The following TAFA1 variants were observed in gnomAD, a reference collection of about 807,000 sequenced individuals.
The protein encoded by TAFA1 is TAFA chemokine like family member 1.
A neutral mutation model predicts 18.5 loss-of-function variants in TAFA1; 4 were observed. The ratio of observed to expected loss-of-function variants is 0.22; its 90% CI spans 0.11 to 0.49. The LOEUF is 0.49. TAFA1 is among the 20% of genes least tolerant of loss of function. TAFA1 has a pLI of 0.98. For synonymous variants in TAFA1, 56 were observed against 55.2 expected (o/e 1.01, Z -0.06); for missense variants, 147 against 169.0 (o/e 0.87, Z 0.72).
intron 2 of TAFA1, among the ~76,000 whole-genome samples, chr3:68,088,401 T>C (rs2064995999): frequency 1.3e-5 from 2 of 152,194 alleles, no homozygotes; most frequent in South Asian, 4.1e-4. Context: ...CAGTGTGACA[T>C]CACGTATAAA....
chr3:68,043,346 T>C (rs1232558085), intron 2 of TAFA1, among the ~76,000 whole-genome samples: 2 of 152,218 alleles, frequency 1.3e-5, no homozygotes, highest in Non-Finnish European at 2.9e-5. Context: ...AAAATTGTCT[T>C]TGCAATAATT....
intron 2 of TAFA1, among the ~76,000 whole-genome samples, chr3:68,125,291 G>C (rs1277272164): frequency 1.3e-5 from 2 of 152,182 alleles, no homozygotes; most frequent in Non-Finnish European, 2.9e-5. Context: ...AGGATGAAAA[G>C]GGCTGATATT....
At chr3:68,463,796 C>T (rs953680127) in intron 3 of TAFA1, among the ~76,000 whole-genome samples, 13 of 151,934 alleles carry the variant, frequency 8.6e-5, no homozygotes, top group East Asian at 1.9e-4. Flanking sequence ...TTTTATTCTC[C>T]GTGTTCCATA....
intron 2 of TAFA1, among the ~76,000 whole-genome samples, chr3:68,219,494 T>C (rs1379477879): frequency 6.6e-6 from 1 of 152,084 alleles, no homozygotes; most frequent in Non-Finnish European, 1.5e-5. Flanking sequence ...TCATTCTAGT[T>C]TGGCCTCTAC....
At chr3:68,440,491 A>C (rs974013264) in intron 3 of TAFA1, among the ~76,000 whole-genome samples, 1 of 152,180 alleles carries the variant, frequency 6.6e-6, no homozygotes, top group Non-Finnish European at 1.5e-5. Flanking sequence ...CAAAAGGAGG[A>C]GGAAATATGA....
At chr3:68,116,256 AAAACAAACAAACAAAC>A (rs138208356) in intron 2 of TAFA1, among the ~76,000 whole-genome samples, 145 of 151,238 alleles carry the variant, frequency 9.6e-4, no homozygotes, top group Admixed American at 8.7e-3. Flanking sequence ...TGCCGTCGCA[AAAACAAACAAACAAAC>A]AAACAAACAA....
chr3:68,136,603 C>A (rs1575638097), intron 2 of TAFA1, among the ~76,000 whole-genome samples: 1 of 152,140 alleles, frequency 6.6e-6, no homozygotes, highest in Non-Finnish European at 1.5e-5. Context: ...GCATTCGTTG[C>A]TTCTCTCTTT....
chr3:68,039,408 A>G (rs2106673482), intron 2 of TAFA1, among the ~76,000 whole-genome samples: 1 of 152,292 alleles, frequency 6.6e-6, no homozygotes, highest in Middle Eastern at 3.4e-3. Flanking sequence ...CTGTGCAAGG[A>G]GAGTCATAAT....
chr3:68,087,768 T>C (rs1477079806), intron 2 of TAFA1, among the ~76,000 whole-genome samples: 1 of 152,184 alleles, frequency 6.6e-6, no homozygotes, highest in East Asian at 1.9e-4. Context: ...TGCCAATAAA[T>C]ATACCTCTAC....
intron 2 of TAFA1, among the ~76,000 whole-genome samples, chr3:68,165,896 T>C (rs1345328672): frequency 6.6e-6 from 1 of 152,228 alleles, no homozygotes; most frequent in Non-Finnish European, 1.5e-5. Context: ...TATTTAGGAA[T>C]GTGAATCAAA....
chr3:68,027,252 G>T (rs1160897773), intron 2 of TAFA1, among the ~76,000 whole-genome samples: 1 of 152,122 alleles, frequency 6.6e-6, no homozygotes, highest in African/African-American at 2.4e-5. Context: ...TTTTGAGGTA[G>T]ACTATTTCAA....
At chr3:68,204,229 G>A (rs1275208763) in intron 2 of TAFA1, among the ~76,000 whole-genome samples, 1 of 151,742 alleles carries the variant, frequency 6.6e-6, no homozygotes, top group African/African-American at 2.4e-5. Context: ...TTGTTTGGGT[G>A]AAGTGGCAAC....
Position 68,117,212 on chromosome 3 carries a change from T to A in TAFA1, c.118+110468T>A, listed in dbSNP as rs184401390. Among the ~76,000 whole-genome samples the A allele has an allele frequency of 2.0e-5, 3 of 152,326 alleles. No individual in the cohort carries two copies. The East Asian group carries it at 5.8e-4, about 29-fold the overall frequency. ...ATTATTAAGTACCCTTCATTTTCCC[T>A]TGGAGCCAGTCTGGGGTTTTGGTTA... is the stretch of plus-strand genomic sequence containing the variant. On this transcript the variant is annotated intron_variant, in intron 2 of 4. Coordinates refer to ENST00000478136, the MANE Select transcript of TAFA1 (RefSeq NM_213609.4).
chr3:68,301,663 A>G (rs187699483), intron 2 of TAFA1, among the ~76,000 whole-genome samples: 15 of 152,290 alleles, frequency 9.8e-5, no homozygotes, highest in Admixed American at 8.5e-4. Flanking sequence ...TAAGTCAAAC[A>G]GAAGAGCATC....
chr3:68,264,801 G>A lies in TAFA1; in HGVS notation c.119-152479G>A, dbSNP rs1283419941. 2.6e-5 allele frequency among the ~76,000 whole-genome samples: 4 copies of A among 151,216 alleles called. No homozygotes were observed. In the East Asian group the frequency reaches 7.7e-4, roughly 29 times the overall value. On this transcript the variant is annotated intron_variant, in intron 2 of 4. Transcript: ENST00000478136. The stretch of plus-strand genomic sequence containing the variant: ...CTTTTGACAAAAATCTGCTTAAATT[G>A]CTTAAAACATATTTTAGTGATAGAT...
chr3:68,298,976 G>T (rs889316576), intron 2 of TAFA1, among the ~76,000 whole-genome samples: 1 of 152,222 alleles, frequency 6.6e-6, no homozygotes, highest in African/African-American at 2.4e-5. Context: ...AGAGAGGTTG[G>T]AACAGTTTGG....
intron 3 of TAFA1, among the ~76,000 whole-genome samples, chr3:68,538,010 A>G (rs1423300279): frequency 6.6e-6 from 1 of 152,090 alleles, no homozygotes; most frequent in East Asian, 1.9e-4. Context: ...GCAGGGGGCT[A>G]GGGAATGGGG....
At chr3:68,506,393 C>A (rs2072754604) in intron 3 of TAFA1, among the ~76,000 whole-genome samples, 1 of 152,082 alleles carries the variant, frequency 6.6e-6, no homozygotes, top group African/African-American at 2.4e-5. Context: ...ACAGGTCCTG[C>A]CCACACTTAA....
At chr3:68,305,023 C>T (rs68168813) in intron 2 of TAFA1, among the ~76,000 whole-genome samples, 19,439 of 151,944 alleles carry the variant, frequency 0.13, 1,845 homozygotes, top group East Asian at 0.45. Context: ...AAACTAAGTA[C>T]CACAGATTGG....
Sources: allele counts gnomAD v4.1 joint callset (sites outside exome capture counted in the v4.1 genomes callset), GRCh38; gene constraint gnomAD v4.1.1; transcripts MANE v1.5; gene names NCBI Gene and HGNC (gene_info 2026-07-23, HGNC 2026-07-21).